Variants in RACK1 observed in about 807,000 individuals in gnomAD.
RACK1 encodes receptor for activated C kinase 1, also known as small ribosomal subunit protein RACK1.
A neutral mutation model predicts 42.2 loss-of-function variants in RACK1; 3 were observed. The observed-to-expected ratio is 0.07, with a 90% CI of 0.03 to 0.18. The LOEUF is 0.18. Among genes scored for constraint, RACK1 ranks in the 10% least tolerant of loss-of-function variants. The probability of loss-of-function intolerance (pLI) is 1.00; values close to 1 mark genes in which losing one functional copy is unlikely to be tolerated. For synonymous variants in RACK1, 181 were observed against 154.8 expected (o/e 1.17, Z -1.25); for missense variants, 146 against 403.2 (o/e 0.36, Z 5.46).
chr5:181,239,261 C>G (rs1466357457), intron 4 of RACK1, 84 bp from the exon 5 acceptor site: 2 of 907,584 alleles, frequency 2.2e-6, no homozygotes, highest in African/African-American at 1.6e-5. Flanking sequence ...CTTGGCACTT[C>G]TGGATACGGT....
At chr5:181,242,532 C>A in intron 1 of RACK1, 187 bp from the exon 2 acceptor site, 2 of 681,330 alleles carry the variant, frequency 2.9e-6, no homozygotes, top group South Asian at 1.5e-5. Flanking sequence ...AGACTAAAAA[C>A]GCACGTAGAG....
At position 181,239,149 on chromosome 5, in the gene RACK1, T is replaced by C; in HGVS notation, c.554A>G (p.Lys185Arg). 6.2e-7 allele frequency: 1 copy of C among 1,613,834 alleles called. No homozygotes were observed. Among genetic ancestry groups the C allele is most frequent in the Non-Finnish European group, 8.5e-7 (1 of 1,179,764 alleles). ...GCCTGTGTGGCCAATGTGGTTGGTC[T>C]TCAGCTTGCAGTTAGCCAGGTTCCA... Reference protein sequence around the residue: ...KVWNLANCKLKTNHIGHTGYL... With the variant: ...KVWNLANCKLRTNHIGHTGYL... Residue 185 changes from lysine to arginine, a missense_variant, in exon 5 of 8, where the codon AAG becomes AGG. Physicochemically the swap from Lys to Arg is conservative, Grantham distance 26 (BLOSUM62 2). Coordinates refer to ENST00000512805, the MANE Select transcript of RACK1 (RefSeq NM_006098.5).
At chr5:181,243,183 G>A (rs1239019750) in intron 1 of RACK1, 3 of 900,146 alleles carry the variant, frequency 3.3e-6, no homozygotes, top group East Asian at 6.1e-5. Flanking sequence ...AGCACAAGAA[G>A]CGTCTAAACG....
At position 181,243,859 on chromosome 5, in the gene RACK1, A is replaced by G; in HGVS notation, c.-59T>C. ...GAGGATGGCACTGGATGGCTTAGAGAAACTAGCACCACAACCTCTCCTGCC... is the reference window on the plus strand; with the variant it reads ...GAGGATGGCACTGGATGGCTTAGAGGAACTAGCACCACAACCTCTCCTGCC... On this transcript the variant is annotated 5_prime_UTR_variant, in exon 1 of 8. Coordinates refer to ENST00000512805, the MANE Select transcript of RACK1 (RefSeq NM_006098.5). 6.5e-7 allele frequency: 1 copy of G among 1,531,942 alleles called. No homozygotes were observed. Among genetic ancestry groups the G allele is most frequent in the Non-Finnish European group, 8.8e-7 (1 of 1,136,198 alleles). The allele number at this position is 1,531,942 out of a possible 1,614,324, so 94.9% of individuals were successfully genotyped here.
intron 3 of RACK1, 93 bp from the exon 4 acceptor site, chr5:181,239,675 C>A: frequency 1.3e-6 from 1 of 747,418 alleles, no homozygotes. Flanking sequence ...TGATGGCTGG[C>A]AGCACCTTTC....
chr5:181,241,514 C>G lies in RACK1; in HGVS notation c.407G>C (p.Gly136Ala). 6.2e-7 allele frequency: 1 copy of G among 1,613,032 alleles called. No individual in the cohort carries two copies. Among genetic ancestry groups the G allele is most frequent in the Non-Finnish European group, 8.5e-7 (1 of 1,179,792 alleles). The change falls in exon 3 of 8, where the codon GGT becomes GCT. Residue 136 changes from glycine (G) to alanine (A), a missense_variant. Coordinates refer to ENST00000512805, the MANE Select transcript of RACK1 (RefSeq NM_006098.5). ...TACCTGGACAGTGTATTTGCACACA[C>G]CCAGGGTATTCCATAGCTTGATGGT... ...DKTIKLWNTLGVCKYTVQDES... is the reference protein window; with the variant it reads ...DKTIKLWNTLAVCKYTVQDES...
chr5:181,238,334 C>T, intron 5 of RACK1, 95 bp from the exon 6 acceptor site: 2 of 1,265,012 alleles, frequency 1.6e-6, no homozygotes, highest in Non-Finnish European at 1.1e-6. Context: ...TCTTACCTTT[C>T]CTCCATTACC....
At chr5:181,243,624 T>G in intron 1 of RACK1, 68 bp downstream of exon 1, 8 of 1,529,014 alleles carry the variant, frequency 5.2e-6, no homozygotes, top group Non-Finnish European at 7.1e-6. Flanking sequence ...CACGCGGAAT[T>G]CCCTACACGA....
chr5:181,237,670 C>A lies in RACK1; in HGVS notation c.827G>T (p.Ser276Ile). Residue 276 changes from serine (S) to isoleucine (I), a missense_variant, in exon 7 of 8, where the codon AGT becomes ATT. By Grantham distance (142) the Ser-to-Ile change is moderately radical (BLOSUM62 -2). Coordinates refer to ENST00000512805, the MANE Select transcript of RACK1 (RefSeq NM_006098.5). ...GGGTGGTTCTGCCTTGCTGCTGGTA[C>A]TGATAACTTCTTGCTTCAGTTCATC... is the stretch of plus-strand genomic sequence containing the variant. ...IVDELKQEVI[S>I]TSSKAEPPQC... is the part of the protein sequence containing the mutation. The A allele has an allele frequency of 6.2e-7, 1 of 1,612,952 alleles. No homozygotes were observed. Among genetic ancestry groups the A allele is most frequent in the Non-Finnish European group, 8.5e-7 (1 of 1,178,884 alleles).
chr5:181,241,643 A>T lies in RACK1; in HGVS notation c.282-4T>A. ...AAATCGCCTCGTGGTGGTGCCCCTG[A>T]GAGGGAGGAGTTTGTCATTCTCAGA... On this transcript the variant is annotated splice_region_variant and splice_polypyrimidine_tract_variant and intron_variant, in intron 2 of 7. Coordinates refer to ENST00000512805, the MANE Select transcript of RACK1 (RefSeq NM_006098.5). 1 of 1,613,908 alleles carries T rather than the reference A, an allele frequency of 6.2e-7. No homozygotes were observed. The highest frequency in any genetic ancestry group is 8.5e-7 in the Non-Finnish European group (1 of 1,179,914).
intron 1 of RACK1, chr5:181,243,468 G>A (rs1318083177): frequency 1.4e-6 from 2 of 1,478,722 alleles, no homozygotes; most frequent in East Asian, 5.0e-5. Context: ...CCTAGCAGCT[G>A]CGAGCTGATG....
intron 1 of RACK1, 152 bp from the exon 2 acceptor site, chr5:181,242,497 G>T: frequency 1.5e-6 from 1 of 676,724 alleles, no homozygotes; most frequent in Non-Finnish European, 2.7e-6. Context: ...AGCAGTTACA[G>T]ACCAGGACTG....
chr5:181,242,978 T>C (rs910512517), intron 1 of RACK1: 5 of 340,396 alleles, frequency 1.5e-5, no homozygotes, highest in Admixed American at 1.3e-4. Context: ...TTTGTGGCTG[T>C]AGAGTAGCTG....
chr5:181,238,842 AAC>A, intron 5 of RACK1: 1 of 553,482 alleles, frequency 1.8e-6, no homozygotes. Context: ...CAACAAAAAA[AAC>A]CCACAGGCTT....
rs775157212 is a variant in RACK1, at chr5:181,240,351, TCAAAA to T, written c.430-774_430-770del. On this transcript the variant is annotated intron_variant, in intron 3 of 7. Transcript: ENST00000512805. Reference sequence around the variant, plus strand: ...GCCTGGGCGACAGAATGAGACTGTCTCAAAACAAAACAAAATAGTAGTGATAAGGC... The same window carrying T: ...GCCTGGGCGACAGAATGAGACTGTCTCAAAACAAAATAGTAGTGATAAGGC... 4.5e-5 allele frequency: 7 copies of T among 153,976 alleles called. No individual in the cohort carries two copies. In the South Asian group the frequency reaches 5.9e-4, roughly 13 times the overall value. The allele number at this position is 153,976 out of a possible 1,614,324, so 9.5% of individuals were successfully genotyped here. A position where few individuals can be genotyped will look rare whatever the true frequency, so the allele number is the denominator to read the frequency against.
At chr5:181,241,711 GC>G in intron 2 of RACK1, 72 bp from the exon 3 acceptor site, 2 of 1,521,524 alleles carry the variant, frequency 1.3e-6, no homozygotes, top group Non-Finnish European at 1.8e-6. Context: ...CATTTCCTGG[GC>G]TTTGTCTCTG....
rs1346655744 is a variant in RACK1 at position 181,241,657 on chromosome 5, G to C, written c.282-18C>G. 2 of 1,613,406 alleles carry C rather than the reference G, an allele frequency of 1.2e-6. No individual in the cohort carries two copies. Among genetic ancestry groups the C allele is most frequent in the South Asian group, 1.1e-5 (1 of 91,076 alleles). On this transcript the variant is annotated intron_variant, in intron 2 of 7. Coordinates refer to ENST00000512805, the MANE Select transcript of RACK1 (RefSeq NM_006098.5). ...TGGTGCCCCTGAGAGGGAGGAGTTTGTCATTCTCAGACTTAGCAAACACTC... is the reference window on the plus strand; with the variant it reads ...TGGTGCCCCTGAGAGGGAGGAGTTTCTCATTCTCAGACTTAGCAAACACTC...
rs73814547 is a variant in RACK1, at chr5:181,243,834, G to A, written c.-34C>T. The A allele has an allele frequency of 3.6e-5, 57 of 1,576,384 alleles. 1 individual carries two copies. The African/African-American group carries it at 6.9e-4, about 19-fold the overall frequency. On this transcript the variant is annotated 5_prime_UTR_variant, in exon 1 of 8. Coordinates refer to ENST00000512805, the MANE Select transcript of RACK1 (RefSeq NM_006098.5). ...CGAGAGCGTGTGTCGCTGCAGCGAC[G>A]AGGATGGCACTGGATGGCTTAGAGA...
intron 5 of RACK1, chr5:181,238,807 AAC>A (rs1430402829): frequency 1.1e-5 from 5 of 452,856 alleles, no homozygotes; most frequent in South Asian, 2.0e-5. Flanking sequence ...TCAAAAAAAA[AAC>A]AAAAAACAAA....
Sources: gnomAD v4.1 joint callset for allele counts on GRCh38, gnomAD v4.1.1 for gene constraint, MANE v1.5 for transcripts, NCBI Gene and HGNC (gene_info 2026-07-23, HGNC 2026-07-21) for gene names.